SPECC1L: variants seen among roughly 807,000 people sequenced by gnomAD.
The protein encoded by SPECC1L is sperm antigen with calponin homology and coiled-coil domains 1 like.
Under a neutral mutation model 116.8 loss-of-function variants are expected in SPECC1L, and 40 were observed. The ratio of observed to expected loss-of-function variants is 0.34; its 90% CI spans 0.27 to 0.45. SPECC1L has a LOEUF of 0.45. Ranked by LOEUF, SPECC1L falls within the 20% of genes least tolerant of loss-of-function variation. The pLI is 1.00. For missense variants in SPECC1L, 1,110 were observed against 1,373.6 expected (o/e 0.81, Z 3.03); for synonymous variants, 504 against 500.6 (o/e 1.01, Z -0.09).
chr22:24,308,043 C>T (rs1274719324), intron 3 of SPECC1L, among the ~76,000 whole-genome samples: 1 of 151,880 alleles, frequency 6.6e-6, no homozygotes, highest in Non-Finnish European at 1.5e-5. Flanking sequence ...CCTGTATATA[C>T]CATGTATACA....
chr22:24,317,238 T>C (rs1389753933), intron 4 of SPECC1L, among the ~76,000 whole-genome samples: 38 of 72,436 alleles, frequency 5.2e-4, no homozygotes, highest in Middle Eastern at 9.6e-3. Context: ...ACCTCCCGGA[T>C]GGGGCGGCTG....
intron 2 of SPECC1L, among the ~76,000 whole-genome samples, chr22:24,283,353 C>G (rs2146343356): frequency 6.6e-6 from 1 of 152,376 alleles, no homozygotes. Flanking sequence ...GCTGGGATTA[C>G]AGGCGTGAGC....
intron 2 of SPECC1L, among the ~76,000 whole-genome samples, 171 bp downstream of exon 2, chr22:24,276,974 G>C (rs1372163299): frequency 6.6e-6 from 1 of 152,092 alleles, no homozygotes; most frequent in African/African-American, 2.4e-5. Context: ...ACTTTGGTGG[G>C]GTAGAGCCAA....
At chr22:24,341,691 C>G (rs1193779683) in intron 10 of SPECC1L, among the ~76,000 whole-genome samples, 1 of 152,170 alleles carries the variant, frequency 6.6e-6, no homozygotes, top group African/African-American at 2.4e-5. Context: ...GATTTGCTTC[C>G]AGTGAATATG....
At chr22:24,288,774 T>TCCCA (rs1282120685) in intron 2 of SPECC1L, among the ~76,000 whole-genome samples, 1 of 151,854 alleles carries the variant, frequency 6.6e-6, no homozygotes, top group African/African-American at 2.4e-5. Flanking sequence ...TACAGGTGTC[T>TCCCA]GCCACCACAC....
intron 10 of SPECC1L, among the ~76,000 whole-genome samples, chr22:24,344,776 G>T (rs2041256178): frequency 6.6e-6 from 1 of 152,138 alleles, no homozygotes; most frequent in South Asian, 2.1e-4. Flanking sequence ...TTGTTTTTCT[G>T]TATATTAGCA....
intron 11 of SPECC1L, among the ~76,000 whole-genome samples, chr22:24,352,175 G>T (rs1261888516): frequency 6.6e-6 from 1 of 152,210 alleles, no homozygotes; most frequent in Non-Finnish European, 1.5e-5. Flanking sequence ...CATGACTGGT[G>T]CCACCTTAGT....
At chr22:24,310,030 T>C (rs2040431678) in intron 3 of SPECC1L, among the ~76,000 whole-genome samples, 1 of 152,322 alleles carries the variant, frequency 6.6e-6, no homozygotes, top group Middle Eastern at 3.4e-3. Context: ...AGTTTTTGTT[T>C]ATTCTTCTCA....
intron 13 of SPECC1L, 80 bp from the exon 14 acceptor site, chr22:24,369,137 TA>T: frequency 9.8e-7 from 1 of 1,021,066 alleles, no homozygotes; most frequent in Non-Finnish European, 1.6e-6. Context: ...TTCCCCTGTT[TA>T]AAAATGCAAA....
chr22:24,319,949 G>A (rs2040687212), intron 4 of SPECC1L, among the ~76,000 whole-genome samples: 2 of 152,188 alleles, frequency 1.3e-5, no homozygotes, highest in Non-Finnish European at 2.9e-5. Flanking sequence ...CATATTCCTG[G>A]CCAGGTGCGG....
chr22:24,330,651 T>G (rs1259911960), intron 8 of SPECC1L, among the ~76,000 whole-genome samples: 1 of 152,200 alleles, frequency 6.6e-6, no homozygotes, highest in Non-Finnish European at 1.5e-5. Flanking sequence ...GATCCCCAAC[T>G]CTGGAGGGAG....
chr22:24,364,437 C>T (rs138667263), intron 12 of SPECC1L, among the ~76,000 whole-genome samples: 384 of 151,934 alleles, frequency 2.5e-3, no homozygotes, highest in South Asian at 7.5e-3. Flanking sequence ...CCTAGGTGGG[C>T]GGATCACCTG....
At chr22:24,403,152 G>A (rs543596401) in intron 14 of SPECC1L, among the ~76,000 whole-genome samples, 40 of 152,314 alleles carry the variant, frequency 2.6e-4, no homozygotes, top group Middle Eastern at 3.4e-3. Flanking sequence ...CCTGGATGAA[G>A]GATGTGTGCC....
At chr22:24,369,388 C>T (rs1268633164) in intron 14 of SPECC1L, 68 bp downstream of exon 14, 1 of 1,084,042 alleles carries the variant, frequency 9.2e-7, no homozygotes, top group Non-Finnish European at 1.4e-6. Flanking sequence ...TCGTAGCTTA[C>T]TACGTGTCAC....
chr22:24,399,902 T>G (rs923427808), intron 14 of SPECC1L, among the ~76,000 whole-genome samples: 1 of 152,232 alleles, frequency 6.6e-6, no homozygotes, highest in Non-Finnish European at 1.5e-5. Flanking sequence ...TTTTACATTT[T>G]TAAAGCAGAG....
chr22:24,397,252 G>A lies in SPECC1L; in HGVS notation c.3088-14336G>A, dbSNP rs150430963. On this transcript the variant is annotated intron_variant, in intron 14 of 16. Transcript: ENST00000314328. ...TGAAAAGAATGCTTCAGTTCCTTCT[G>A]TAAGCAATAAAATAAGTTCATCGTA... 1.3e-3 allele frequency among the ~76,000 whole-genome samples: 201 copies of A among 152,262 alleles called. 3 individuals are homozygous for A. The highest frequency in any genetic ancestry group is 0.012 in the Admixed American group (178 of 15,296).
chr22:24,328,615 A>C (rs1400201732), intron 6 of SPECC1L, among the ~76,000 whole-genome samples: 2 of 152,220 alleles, frequency 1.3e-5, no homozygotes, highest in Non-Finnish European at 2.9e-5. Flanking sequence ...ATACTGTGGA[A>C]GGAAGTGATT....
intron 14 of SPECC1L, among the ~76,000 whole-genome samples, chr22:24,403,015 GAAACCACCC>G: frequency 6.6e-6 from 1 of 152,180 alleles, no homozygotes; most frequent in Admixed American, 6.5e-5. Flanking sequence ...GCAGTGAGTG[GAAACCACCC>G]AGCCAGTCCC....
At chr22:24,385,011 T>C (rs537107872) in intron 14 of SPECC1L, among the ~76,000 whole-genome samples, 15 of 147,922 alleles carry the variant, frequency 1.0e-4, no homozygotes, top group African/African-American at 3.8e-4. Context: ...TGCAGTGAGC[T>C]GAGATCGCGC....
Sources: allele counts gnomAD v4.1 joint callset (sites outside exome capture counted in the v4.1 genomes callset), GRCh38; gene constraint gnomAD v4.1.1; transcripts MANE v1.5; gene names NCBI Gene and HGNC (gene_info 2026-07-23, HGNC 2026-07-21).